TMEM150C: variants seen among roughly 807,000 people sequenced by gnomAD.
The protein encoded by TMEM150C is tentonin 3.
Under a neutral mutation model 29.9 loss-of-function variants are expected in TMEM150C, and 10 were observed. The ratio of observed to expected loss-of-function variants is 0.33; its 90% CI spans 0.21 to 0.57. The LOEUF is 0.57. Ranked by LOEUF, TMEM150C falls within the 20% of genes least tolerant of loss-of-function variation. TMEM150C has a pLI of 0.88. For synonymous variants in TMEM150C, 101 were observed against 112.5 expected (o/e 0.90, Z 0.64); for missense variants, 251 against 303.6 (o/e 0.83, Z 1.29).
rs1216491563 is a variant in TMEM150C, at chr4:82,521,380, C to T, written c.-10-16713G>A. Reference sequence around the variant, plus strand: ...TCTGGTGAAGAATAAATGAAAGGCACTGTGCTACCAAATGGGAAATATAAG... The same window carrying T: ...TCTGGTGAAGAATAAATGAAAGGCATTGTGCTACCAAATGGGAAATATAAG... On this transcript the variant is annotated intron_variant, in intron 1 of 7. Transcript: ENST00000449862. Among the ~76,000 whole-genome samples, 3 of 152,202 alleles carry T rather than the reference C, an allele frequency of 2.0e-5. No homozygotes were observed. In the South Asian group the frequency reaches 6.2e-4, roughly 32 times the overall value.
chr4:82,497,468 T>C (rs1325056115), intron 5 of TMEM150C, among the ~76,000 whole-genome samples: 2 of 152,216 alleles, frequency 1.3e-5, no homozygotes, highest in African/African-American at 4.8e-5. Flanking sequence ...TTCTCGAGTA[T>C]GTTAAATTTC....
chr4:82,553,367 G>A (rs1363728465), intron 1 of TMEM150C, among the ~76,000 whole-genome samples: 1 of 152,182 alleles, frequency 6.6e-6, no homozygotes, highest in Non-Finnish European at 1.5e-5. Flanking sequence ...TAAGCCTTAA[G>A]GTACAACATC....
chr4:82,506,313 A>T (rs180984009), intron 1 of TMEM150C, among the ~76,000 whole-genome samples: 61 of 152,324 alleles, frequency 4.0e-4, no homozygotes, highest in African/African-American at 1.4e-3. Flanking sequence ...GGTCTACCTG[A>T]TTACGTAGAT....
intron 7 of TMEM150C, 147 bp downstream of exon 7, chr4:82,489,914 G>T: frequency 1.4e-6 from 1 of 711,336 alleles, no homozygotes; most frequent in South Asian, 2.2e-5. Context: ...ATTGGTCTGA[G>T]GGTTTTTGTT....
intron 1 of TMEM150C, among the ~76,000 whole-genome samples, chr4:82,561,646 G>C (rs1350618909): frequency 1.4e-5 from 2 of 147,770 alleles, no homozygotes; most frequent in Non-Finnish European, 3.0e-5. Context: ...CGCAGGTCGC[G>C]GGGCAGAGCC....
intron 1 of TMEM150C, among the ~76,000 whole-genome samples, chr4:82,516,532 C>T (rs1724302164): frequency 6.6e-6 from 1 of 152,162 alleles, no homozygotes; most frequent in Admixed American, 6.5e-5. Context: ...TTTCCTAGGG[C>T]TGTGGTGAAG....
At chr4:82,487,219 A>G (rs921906788) in intron 7 of TMEM150C, among the ~76,000 whole-genome samples, 2 of 151,910 alleles carry the variant, frequency 1.3e-5, no homozygotes, top group African/African-American at 4.9e-5. Context: ...GAGGCCGAGG[A>G]GTGTGTATCA....
intron 1 of TMEM150C, among the ~76,000 whole-genome samples, chr4:82,554,585 TA>T (rs1327127181): frequency 6.6e-6 from 1 of 152,132 alleles, no homozygotes. Context: ...ATCATAAGTG[TA>T]AAAAAAGAGT....
chr4:82,551,979 C>G (rs372254228), intron 1 of TMEM150C, among the ~76,000 whole-genome samples: 25 of 152,218 alleles, frequency 1.6e-4, no homozygotes, highest in East Asian at 5.8e-4. Flanking sequence ...TTGGTAGCAA[C>G]CTCACAGTAG....
rs114328831 is a variant in TMEM150C at position 82,485,041 on chromosome 4, G to A, written c.*470C>T. ...AGGGTCACATCTCAATACAATTTCC[G>A]TCCTATTCTATGATACACTATTATC... On this transcript the variant is annotated 3_prime_UTR_variant, in exon 8 of 8. Transcript: ENST00000449862. 755 of 156,224 alleles carry A rather than the reference G, an allele frequency of 4.8e-3. 5 individuals are homozygous for A. Among genetic ancestry groups the A allele is most frequent in the African/African-American group, 0.017 (698 of 41,548 alleles). The allele number at this position is 156,224 out of a possible 1,614,324, so 9.7% of individuals were successfully genotyped here.
At chr4:82,559,094 C>T (rs1171978054) in intron 1 of TMEM150C, among the ~76,000 whole-genome samples, 2 of 152,160 alleles carry the variant, frequency 1.3e-5, no homozygotes, top group African/African-American at 4.8e-5. Flanking sequence ...AAACATTGCT[C>T]CTAACTCCAC....
chr4:82,515,138 C>G (rs1724250809), intron 1 of TMEM150C, among the ~76,000 whole-genome samples: 1 of 152,174 alleles, frequency 6.6e-6, no homozygotes, highest in African/African-American at 2.4e-5. Context: ...ACTAACTTAA[C>G]AGAACCTTAC....
intron 1 of TMEM150C, among the ~76,000 whole-genome samples, chr4:82,551,094 C>T (rs1285008386): frequency 6.6e-6 from 1 of 152,146 alleles, no homozygotes; most frequent in Non-Finnish European, 1.5e-5. Context: ...TACAGGAAGA[C>T]ATGGAGCCAG....
chr4:82,504,063 C>T (rs1254492907), intron 2 of TMEM150C, among the ~76,000 whole-genome samples: 16 of 152,220 alleles, frequency 1.1e-4, no homozygotes, highest in Admixed American at 5.2e-4. Flanking sequence ...TCACCACCGG[C>T]TTTGCATAAT....
At chr4:82,532,170 G>A (rs1264774702) in intron 1 of TMEM150C, among the ~76,000 whole-genome samples, 2 of 152,188 alleles carry the variant, frequency 1.3e-5, no homozygotes, top group African/African-American at 2.4e-5. Flanking sequence ...AAGAGAGTAT[G>A]AATAAGACAA....
chr4:82,512,132 T>C (rs2110074215), intron 1 of TMEM150C, among the ~76,000 whole-genome samples: 1 of 152,248 alleles, frequency 6.6e-6, no homozygotes, highest in Non-Finnish European at 1.5e-5. Context: ...GAGCAGCAAA[T>C]GGGAAGAATT....
rs532031113 is a variant in TMEM150C at position 82,505,010 on chromosome 4, T to A, written c.-10-343A>T. Among the ~76,000 whole-genome samples, 176 of 152,144 alleles carry A rather than the reference T, an allele frequency of 1.2e-3. 1 individual carries two copies. Among genetic ancestry groups the A allele is most frequent in the African/African-American group, 4.0e-3 (165 of 41,504 alleles). On this transcript the variant is annotated intron_variant, in intron 1 of 7. Transcript: ENST00000449862. ...GCGCCACTGTACTCCAGCCTGGGCG[T>A]CAGAGCGAGACTGTCTCAAAACAAA...
rs533331518 is a variant in TMEM150C at position 82,519,936 on chromosome 4, T to C, written c.-10-15269A>G. Among the ~76,000 whole-genome samples, 14 of 152,220 alleles carry C rather than the reference T, an allele frequency of 9.2e-5. No individual in the cohort carries two copies. The East Asian group carries it at 2.3e-3, about 25-fold the overall frequency. On this transcript the variant is annotated intron_variant, in intron 1 of 7. Transcript: ENST00000449862. ...AGTCGACTATGAGTAACTGAAACTG[T>C]GGAAAGTGAAACCGCTGATAAAGGA...
At chr4:82,522,025 T>C (rs1724504635) in intron 1 of TMEM150C, among the ~76,000 whole-genome samples, 1 of 152,164 alleles carries the variant, frequency 6.6e-6, no homozygotes, top group Non-Finnish European at 1.5e-5. Context: ...ACTGCACCAC[T>C]GTACTCCAGC....
Sources: allele counts gnomAD v4.1 joint callset (sites outside exome capture counted in the v4.1 genomes callset), GRCh38; gene constraint gnomAD v4.1.1; transcripts MANE v1.5; gene names NCBI Gene and HGNC (gene_info 2026-07-23, HGNC 2026-07-21).